Variants in SORCS3 observed in about 807,000 individuals in gnomAD.
SORCS3 encodes the protein VPS10 domain-containing receptor SorCS3.
In SORCS3, 57 loss-of-function variants were observed where a neutral mutation model predicts 146.3. That is an observed-to-expected ratio of 0.39 (90% CI 0.31 to 0.49). The LOEUF (loss-of-function observed/expected upper bound fraction) is 0.49. Ranked by LOEUF, SORCS3 falls within the 20% of genes least tolerant of loss-of-function variation. The pLI, the probability that SORCS3 is intolerant of heterozygous loss-of-function variation, is 0.92. For missense variants in SORCS3, 1,341 were observed against 1,575.5 expected (o/e 0.85, Z 2.52); for synonymous variants, 653 against 618.5 (o/e 1.06, Z -0.83).
At chr10:105,100,223 A>G (rs1262296753) in intron 6 of SORCS3, among the ~76,000 whole-genome samples, 1 of 152,226 alleles carries the variant, frequency 6.6e-6, no homozygotes, top group Non-Finnish European at 1.5e-5. Flanking sequence ...TTGTAAGTGG[A>G]GCAGTGACCA....
chr10:104,982,931 C>T (rs1037944019), intron 4 of SORCS3, among the ~76,000 whole-genome samples: 13 of 152,302 alleles, frequency 8.5e-5, no homozygotes, highest in Non-Finnish European at 1.5e-4. Flanking sequence ...CAAGAACATT[C>T]ATTCGAATGA....
chr10:104,740,048 TTTTC>T (rs1424283211), intron 1 of SORCS3, among the ~76,000 whole-genome samples: 9 of 152,176 alleles, frequency 5.9e-5, no homozygotes, highest in African/African-American at 1.9e-4. Flanking sequence ...ATGGGAAGAA[TTTTC>T]TTTATTTTGT....
intron 1 of SORCS3, among the ~76,000 whole-genome samples, chr10:104,673,191 T>C (rs1431052970): frequency 1.3e-5 from 2 of 152,206 alleles, no homozygotes; most frequent in African/African-American, 2.4e-5. Context: ...TTGGATCATG[T>C]TTTAACAATC....
chr10:104,976,000 G>T (rs1453544166), intron 3 of SORCS3, among the ~76,000 whole-genome samples: 1 of 152,172 alleles, frequency 6.6e-6, no homozygotes, highest in South Asian at 2.1e-4. Context: ...CATAGGCATG[G>T]GCAAGGACTT....
At chr10:104,924,449 A>G (rs892213499) in intron 3 of SORCS3, among the ~76,000 whole-genome samples, 1 of 152,252 alleles carries the variant, frequency 6.6e-6, no homozygotes, top group Admixed American at 6.5e-5. Context: ...TCTACGGCTT[A>G]CAGAGATATC....
chr10:104,730,756 G>A (rs994700500), intron 1 of SORCS3, among the ~76,000 whole-genome samples: 11 of 152,202 alleles, frequency 7.2e-5, no homozygotes, highest in Non-Finnish European at 1.5e-4. Context: ...AGGGCAGGCA[G>A]GAGAGATAAT....
chr10:104,856,126 A>G (rs985812493), intron 2 of SORCS3, among the ~76,000 whole-genome samples: 2 of 152,126 alleles, frequency 1.3e-5, no homozygotes, highest in African/African-American at 2.4e-5. Context: ...CTAATGAGGT[A>G]TGTAAGCCTA....
At chr10:105,131,797 T>C (rs1589648362) in intron 7 of SORCS3, among the ~76,000 whole-genome samples, 2 of 150,084 alleles carry the variant, frequency 1.3e-5, no homozygotes, top group East Asian at 2.0e-4. Context: ...AGAGGGGAGG[T>C]GCTACACACT....
At chr10:105,085,987 C>G (rs2133737611) in intron 5 of SORCS3, among the ~76,000 whole-genome samples, 1 of 152,258 alleles carries the variant, frequency 6.6e-6, no homozygotes, top group South Asian at 2.1e-4. Context: ...CTCTGTCACA[C>G]TGTCAATTTT....
At chr10:105,084,799 C>T (rs1260938153) in intron 5 of SORCS3, among the ~76,000 whole-genome samples, 2 of 151,218 alleles carry the variant, frequency 1.3e-5, no homozygotes, top group Admixed American at 1.3e-4. Flanking sequence ...GGCGCCATCT[C>T]GGCTCACTAC....
chr10:104,776,495 G>A (rs2017309520), intron 1 of SORCS3, among the ~76,000 whole-genome samples: 1 of 152,178 alleles, frequency 6.6e-6, no homozygotes, highest in South Asian at 2.1e-4. Flanking sequence ...GGGTGTTTTT[G>A]TTGTTGGCTT....
At chr10:105,063,993 C>A (rs985575392) in intron 5 of SORCS3, among the ~76,000 whole-genome samples, 28 of 152,308 alleles carry the variant, frequency 1.8e-4, no homozygotes, top group African/African-American at 6.7e-4. Context: ...ATAGTGCCTG[C>A]AGATGGCCCC....
chr10:104,780,727 AG>A (rs1485830651), intron 1 of SORCS3, among the ~76,000 whole-genome samples: 1 of 152,226 alleles, frequency 6.6e-6, no homozygotes, highest in African/African-American at 2.4e-5. Context: ...CTTTAGAGGG[AG>A]ACCAGCCCTA....
intron 14 of SORCS3, among the ~76,000 whole-genome samples, chr10:105,184,826 A>G (rs2056465229): frequency 6.6e-6 from 1 of 152,220 alleles, no homozygotes; most frequent in Admixed American, 6.5e-5. Flanking sequence ...AAGAACATTT[A>G]ACATGAATTC....
At chr10:104,723,465 G>T (rs934987015) in intron 1 of SORCS3, among the ~76,000 whole-genome samples, 1 of 152,144 alleles carries the variant, frequency 6.6e-6, no homozygotes, top group Admixed American at 6.5e-5. Flanking sequence ...TTTGATTTGG[G>T]GTGGAGAGTG....
chr10:104,985,146 A>C, intron 4 of SORCS3, among the ~76,000 whole-genome samples: 1 of 152,172 alleles, frequency 6.6e-6, no homozygotes, highest in African/African-American at 2.4e-5. Context: ...CTTCTTTCAA[A>C]ATTGGAGTCA....
chr10:104,722,964 G>A (rs1332584715), intron 1 of SORCS3, among the ~76,000 whole-genome samples: 2 of 151,926 alleles, frequency 1.3e-5, no homozygotes, highest in South Asian at 2.1e-4. Context: ...AGGGTTTTTT[G>A]TGTCTCTATT....
Position 104,830,185 on chromosome 10 carries a change from G to A in SORCS3, c.628-12607G>A, listed in dbSNP as rs1173678485. On this transcript the variant is annotated intron_variant, in intron 1 of 26. Coordinates refer to ENST00000369701, the MANE Select transcript of SORCS3 (RefSeq NM_014978.3). Reference sequence around the variant, plus strand: ...TTCTCTTCCTGTGTTATTTTGCTGAGGATGATGGCTTCCAGCTTCATCCAT... The same window carrying A: ...TTCTCTTCCTGTGTTATTTTGCTGAAGATGATGGCTTCCAGCTTCATCCAT... Among the ~76,000 whole-genome samples, 4 of 152,090 alleles carry A rather than the reference G, an allele frequency of 2.6e-5. No homozygotes were observed. In the South Asian group the frequency reaches 6.2e-4, roughly 24 times the overall value.
intron 1 of SORCS3, among the ~76,000 whole-genome samples, chr10:104,821,583 A>C (rs1467577897): frequency 1.3e-5 from 2 of 152,216 alleles, no homozygotes; most frequent in Non-Finnish European, 2.9e-5. Context: ...TTCAAAGCAC[A>C]TGGCTCCTTT....
Sources: allele counts gnomAD v4.1 joint callset (sites outside exome capture counted in the v4.1 genomes callset), GRCh38; gene constraint gnomAD v4.1.1; transcripts MANE v1.5; gene names NCBI Gene and HGNC (gene_info 2026-07-23, HGNC 2026-07-21).